CTBP1: variants seen among roughly 807,000 people sequenced by gnomAD.
CTBP1 encodes C-terminal-binding protein 1.
A neutral mutation model predicts 42.1 loss-of-function variants in CTBP1; 11 were observed. The observed-to-expected ratio is 0.26, with a 90% CI of 0.16 to 0.43. CTBP1 has a LOEUF of 0.43. Among genes scored for constraint, CTBP1 ranks in the 20% least tolerant of loss-of-function variants. CTBP1 has a pLI of 1.00. For missense variants in CTBP1, 399 were observed against 624.3 expected (o/e 0.64, Z 3.85); for synonymous variants, 324 against 277.1 (o/e 1.17, Z -1.68).
At chr4:1,243,232 C>T in intron 1 of CTBP1, 1 of 985,416 alleles carries the variant, frequency 1.0e-6, no homozygotes, top group Non-Finnish European at 1.2e-6. Context: ...TCTATACTGG[C>T]CAGTACGTGC....
chr4:1,216,588 C>A, intron 5 of CTBP1: 1 of 326,014 alleles, frequency 3.1e-6, no homozygotes. Flanking sequence ...CTCCGCTGGC[C>A]TTTCGATCCA....
At chr4:1,215,248 C>T (rs1728982934) in intron 6 of CTBP1, among the ~76,000 whole-genome samples, 1 of 152,272 alleles carries the variant, frequency 6.6e-6, no homozygotes, top group Admixed American at 6.5e-5. Flanking sequence ...GGGAACCTGG[C>T]CTCATCCTCC....
At chr4:1,239,519 ATCCG>A (rs1416294843) in intron 2 of CTBP1, among the ~76,000 whole-genome samples, 3 of 152,202 alleles carry the variant, frequency 2.0e-5, no homozygotes, top group African/African-American at 7.2e-5. Context: ...CCGCTGCCCC[ATCCG>A]CCTGCAGGTG....
At chr4:1,245,153 C>A (rs780087676) in intron 1 of CTBP1, 2 of 985,344 alleles carry the variant, frequency 2.0e-6, no homozygotes, top group African/African-American at 3.5e-5. Flanking sequence ...CGAGCCGATA[C>A]GGCACCTTGG....
chr4:1,219,675 C>CA (rs1333577218), intron 5 of CTBP1, among the ~76,000 whole-genome samples: 1 of 152,082 alleles, frequency 6.6e-6, no homozygotes, highest in African/African-American at 2.4e-5. Flanking sequence ...GCAGATGACA[C>CA]AGCAGTGTGT....
chr4:1,218,721 G>C (rs1729418443), intron 5 of CTBP1: 1 of 152,242 alleles, frequency 6.6e-6, no homozygotes, highest in South Asian at 2.1e-4. Context: ...GTCTTCACAG[G>C]TTATGCTGGG....
rs543144085 is a variant in CTBP1 at position 1,238,644 on chromosome 4, G to C, written c.8-307C>G. On this transcript the variant is annotated intron_variant, in intron 2 of 9. Coordinates refer to ENST00000382952, the MANE Select transcript of CTBP1 (RefSeq NM_001012614.2). This position sits in a 1 kb window ranked among gnomAD's most constrained non-coding sequence, Gnocchi z 5.9. ...CCAAGGCCCCTCCGAGATCCTCCCA[G>C]ACCCTCTGAGACCCTCTCACACCCT... is the stretch of plus-strand genomic sequence containing the variant. Among the ~76,000 whole-genome samples the C allele has an allele frequency of 2.0e-5, 3 of 149,322 alleles. No homozygotes were observed. The East Asian group carries it at 5.9e-4, about 29-fold the overall frequency.
At position 1,228,273 on chromosome 4, in the gene CTBP1, A is replaced by C. The variant is rs769229609; in HGVS notation, c.233T>G (p.Phe78Cys). 5 of 1,614,168 alleles carry C rather than the reference A, an allele frequency of 3.1e-6. No individual in the cohort carries two copies. Among genetic ancestry groups the C allele is most frequent in the Non-Finnish European group, 4.2e-6 (5 of 1,180,016 alleles). ...ITLTREDLEK[F>C]KALRIIVRIG... ...CCGGACGATGATGCGGAGGGCTTTG[A>C]ACTTCTCCAGGTCCTCCCTGGTGAG... Residue 78 changes from phenylalanine to cysteine, a missense_variant, in exon 4 of 10, where the codon TTC becomes TGC. This residue lies in a region of CTBP1 where 309 missense variants were observed against 497.5 expected (regional missense o/e 0.62). Transcript: ENST00000382952.
intron 5 of CTBP1, among the ~76,000 whole-genome samples, chr4:1,222,500 AG>A (rs1729854411): frequency 6.6e-6 from 1 of 152,108 alleles, no homozygotes; most frequent in Admixed American, 6.5e-5. Flanking sequence ...GGGCCAGTGC[AG>A]GGCAGAACGC....
At chr4:1,213,687 C>G (rs550927915) in intron 7 of CTBP1, 82 bp from the exon 8 acceptor site, 1 of 1,522,642 alleles carries the variant, frequency 6.6e-7, no homozygotes, top group Non-Finnish European at 8.8e-7. Context: ...ACTGGAACCC[C>G]CTGTGGGGGG....
Position 1,233,460 on chromosome 4 carries a change from G to A in CTBP1, c.162+4723C>T, listed in dbSNP as rs113786692. On this transcript the variant is annotated intron_variant, in intron 3 of 9. Transcript: ENST00000382952. This position sits in a 1 kb window ranked among gnomAD's most constrained non-coding sequence, Gnocchi z 4.6. ...GTCCTCGCAGGCCACTGCGTCCTGT[G>A]CCCTCCCGGAGCCGCCCTGCCGCTC... Among the ~76,000 whole-genome samples the A allele has an allele frequency of 5.1e-4, 77 of 152,288 alleles. No homozygotes were observed. The highest frequency in any genetic ancestry group is 1.8e-3 in the African/African-American group (74 of 41,556).
chr4:1,230,479 G>A (rs1243532169), intron 3 of CTBP1, among the ~76,000 whole-genome samples: 2 of 152,204 alleles, frequency 1.3e-5, no homozygotes, highest in Non-Finnish European at 2.9e-5. Flanking sequence ...CAGAGGCGCA[G>A]TGGGAGATGG....
intron 1 of CTBP1, among the ~76,000 whole-genome samples, chr4:1,247,450 G>A (rs1482525572): frequency 6.6e-6 from 1 of 152,184 alleles, no homozygotes; most frequent in East Asian, 1.9e-4. Flanking sequence ...AGGTGGCCAG[G>A]CCCGGGCAGG....
intron 3 of CTBP1, among the ~76,000 whole-genome samples, chr4:1,234,292 T>C (rs1731261913): frequency 6.6e-6 from 1 of 152,208 alleles, no homozygotes; most frequent in Non-Finnish European, 1.5e-5. Context: ...AGATTTTCAC[T>C]CATGTTTTTA....
intron 3 of CTBP1, chr4:1,234,572 A>T (rs1731289417): frequency 6.6e-6 from 1 of 152,276 alleles, no homozygotes; most frequent in Non-Finnish European, 1.5e-5. Context: ...TCTGCATTTT[A>T]TATGAACCTG....
At chr4:1,220,887 C>A (rs1329536756) in intron 5 of CTBP1, among the ~76,000 whole-genome samples, 1 of 152,242 alleles carries the variant, frequency 6.6e-6, no homozygotes, top group African/African-American at 2.4e-5. Context: ...ACACAGAGAA[C>A]CTGTTACCCG....
chr4:1,217,104 G>A (rs960118571), intron 5 of CTBP1: 2 of 152,502 alleles, frequency 1.3e-5, no homozygotes, highest in Non-Finnish European at 2.9e-5. Context: ...CCAGAGAGCT[G>A]GAACAACACG....
At chr4:1,215,154 G>A (rs1728974603) in intron 6 of CTBP1, among the ~76,000 whole-genome samples, 1 of 152,162 alleles carries the variant, frequency 6.6e-6, no homozygotes, top group South Asian at 2.1e-4. Context: ...GGGACGGCAG[G>A]GCTCTGACCA....
At chr4:1,224,138 T>C (rs1730051698) in intron 5 of CTBP1, among the ~76,000 whole-genome samples, 1 of 152,268 alleles carries the variant, frequency 6.6e-6, no homozygotes, top group African/African-American at 2.4e-5. Flanking sequence ...GTGGTTGATG[T>C]GCGTGCCCAC....
Sources: gnomAD v4.1 joint callset for allele counts (sites outside exome capture counted in the v4.1 genomes callset) on GRCh38, gnomAD v4.1.1 for gene constraint, gnomAD v4.1.1 regional missense constraint, Gnocchi (gnomAD v3.1) non-coding constraint, MANE v1.5 for transcripts, NCBI Gene and HGNC (gene_info 2026-07-23, HGNC 2026-07-21) for gene names.